RP1L1: variants seen among roughly 807,000 people sequenced by gnomAD.
RP1L1 encodes retinitis pigmentosa 1-like 1 protein.
Under a neutral mutation model 15.7 loss-of-function variants are expected in RP1L1, and 27 were observed. The ratio of observed to expected loss-of-function variants is 1.72; its 90% confidence interval spans 1.27 to 2.38. The LOEUF (loss-of-function observed/expected upper bound fraction) is 2.38, where lower values mean the gene tolerates loss of function less well. RP1L1 is among the 30% of genes most tolerant of loss of function. RP1L1 has a pLI of 0.00. For synonymous variants in RP1L1, 1,813 were observed against 1,276.7 expected (o/e 1.42, Z -8.96); for missense variants, 4,798 against 3,075.9 (o/e 1.56, Z -13.24).
At chr8:10,640,306 A>G (rs575479998) in intron 1 of RP1L1, among the ~76,000 whole-genome samples, 1 of 152,204 alleles carries the variant, frequency 6.6e-6, no homozygotes, top group Non-Finnish European at 1.5e-5. Flanking sequence ...AGGTAACAGA[A>G]TTTTTCAAAG....
At chr8:10,626,966 G>A (rs1185213110) in intron 1 of RP1L1, among the ~76,000 whole-genome samples, 1 of 152,158 alleles carries the variant, frequency 6.6e-6, no homozygotes, top group Non-Finnish European at 1.5e-5. Flanking sequence ...CACACCATTA[G>A]AACGGCTACT....
At chr8:10,624,313 A>T (rs1798122683) in intron 1 of RP1L1, among the ~76,000 whole-genome samples, 1 of 152,264 alleles carries the variant, frequency 6.6e-6, no homozygotes, top group African/African-American at 2.4e-5. Context: ...TCACATTCCA[A>T]TGTGACAAAC....
chr8:10,641,373 C>G (rs1453557305), intron 1 of RP1L1, among the ~76,000 whole-genome samples: 1 of 152,164 alleles, frequency 6.6e-6, no homozygotes, highest in African/African-American at 2.4e-5. Context: ...TGACAGTGAC[C>G]TTGTATCAAT....
chr8:10,632,130 C>T (rs11777734), intron 1 of RP1L1, among the ~76,000 whole-genome samples: 2,472 of 152,240 alleles, frequency 0.016, 33 homozygotes, highest in Non-Finnish European at 0.024. Flanking sequence ...GAAGAGGCTT[C>T]GGGTGAAGGC....
At chr8:10,618,518 GCAAA>G (rs953300007) in intron 2 of RP1L1, among the ~76,000 whole-genome samples, 3 of 151,774 alleles carry the variant, frequency 2.0e-5, no homozygotes, top group Non-Finnish European at 4.4e-5. Flanking sequence ...AAAACAAAGA[GCAAA>G]CAAACAAACA....
At position 10,609,797 on chromosome 8, in the gene RP1L1, C is replaced by A; in HGVS notation, c.4301G>T (p.Arg1434Ile). 6.2e-7 allele frequency: 1 copy of A among 1,614,054 alleles called. No individual in the cohort carries two copies. The highest frequency in any genetic ancestry group is 8.5e-7 in the Non-Finnish European group (1 of 1,180,030). ...GCACGGCTCTGCAGAGGCAGAGGCT[C>A]TTCCTGCTTCCTCCTCCTGGACTGG... Reference protein sequence around the residue: ...DDPVQEEEAGRASASAEPCPA... With the variant: ...DDPVQEEEAGIASASAEPCPA... Residue 1434 changes from arginine (R) to isoleucine (I), a missense_variant, in exon 4 of 4, where the codon AGA (arginine) becomes ATA (isoleucine). Physicochemically the swap from Arg to Ile is moderately conservative, Grantham distance 97 (BLOSUM62 -3). Coordinates refer to ENST00000382483, the MANE Select transcript of RP1L1 (RefSeq NM_178857.6).
At chr8:10,653,428 G>A (rs1232386715) in intron 1 of RP1L1, among the ~76,000 whole-genome samples, 2 of 151,314 alleles carry the variant, frequency 1.3e-5, no homozygotes, top group Non-Finnish European at 2.9e-5. Flanking sequence ...CAGGTCCAGG[G>A]ATCCCTCCAA....
rs1219283852 is a variant in RP1L1, at chr8:10,622,735, A to G, written c.467T>C (p.Leu156Pro). The G allele has an allele frequency of 6.2e-7, 1 of 1,614,000 alleles. No homozygotes were observed. The highest frequency in any genetic ancestry group is 1.3e-5 in the African/African-American group (1 of 74,894). ...GAGGCGAGGGTCCATGTTCTTAATC[A>G]GCAGTATCCTCCGGGGGGTTTTAAG... ...KSLKTPRRILLIKNMDPRLQQ... is the reference protein window; with the variant it reads ...KSLKTPRRILPIKNMDPRLQQ... The change falls in exon 2 of 4, where the codon CTG becomes CCG. Residue 156 changes from leucine (L) to proline (P), a missense_variant. Physicochemically the swap from Leu to Pro is moderately conservative, Grantham distance 98. Transcript: ENST00000382483.
At position 10,612,436 on chromosome 8, in the gene RP1L1, GC is replaced by G. The variant is rs760078889; in HGVS notation, c.1661del (p.Gly554AlafsTer26). ...TCTCGGCCCTTGCCTTGCCTGGACA[GC>G]CCTGGGGCCGCCCACCCCATTCGCT... ...GSSEWGGRPQGCPGKARAETS... is the reference protein window; with the variant it reads ...GSSEWGGRPQXCPGKARAETS... On this transcript the variant is annotated frameshift_variant, in exon 4 of 4. Coordinates refer to ENST00000382483, the MANE Select transcript of RP1L1 (RefSeq NM_178857.6). LOFTEE classifies it low-confidence loss of function (END_TRUNC). The G allele has an allele frequency of 6.2e-7, 1 of 1,612,648 alleles. No homozygotes were observed. The highest frequency in any genetic ancestry group is 8.5e-7 in the Non-Finnish European group (1 of 1,180,020).
At chr8:10,617,669 G>T (rs1056828667) in intron 2 of RP1L1, among the ~76,000 whole-genome samples, 2 of 143,308 alleles carry the variant, frequency 1.4e-5, no homozygotes, top group African/African-American at 5.1e-5. Context: ...CCATTCTCCT[G>T]CCTCAGCCTC....
chr8:10,649,562 G>C (rs1798528819), intron 1 of RP1L1, among the ~76,000 whole-genome samples: 1 of 152,140 alleles, frequency 6.6e-6, no homozygotes, highest in South Asian at 2.1e-4. Flanking sequence ...GTGTTCTCTT[G>C]GGAAGGCTCA....
In RP1L1 at chr8:10,612,746, T is replaced by C; in HGVS notation, c.1352A>G (p.Asp451Gly). Reference protein sequence around the residue: ...GTAGRERCSQDSASPASSTGL... With the variant: ...GTAGRERCSQGSASPASSTGL... ...GGTGCTGGAGGCTGGGCTGGCACTGTCCTGGCTGCATCTCTCCCTCCCGGC... is the reference window on the plus strand; with the variant it reads ...GGTGCTGGAGGCTGGGCTGGCACTGCCCTGGCTGCATCTCTCCCTCCCGGC... The change falls in exon 4 of 4, where the codon GAC becomes GGC. Residue 451 changes from aspartate to glycine, a missense_variant. By Grantham distance (94) the Asp-to-Gly change is moderately conservative. Transcript: ENST00000382483. 1 of 1,607,962 alleles carries C rather than the reference T, an allele frequency of 6.2e-7. No homozygotes were observed. Among genetic ancestry groups the C allele is most frequent in the East Asian group, 2.2e-5 (1 of 44,854 alleles).
rs974540081 is a variant in RP1L1 at position 10,606,824 on chromosome 8, C to T, written c.*71G>A. 2 of 1,606,326 alleles carry T rather than the reference C, an allele frequency of 1.2e-6. No homozygotes were observed. Among genetic ancestry groups the T allele is most frequent in the African/African-American group, 2.7e-5 (2 of 74,828 alleles). On this transcript the variant is annotated 3_prime_UTR_variant, in exon 4 of 4. Coordinates refer to ENST00000382483, the MANE Select transcript of RP1L1 (RefSeq NM_178857.6). ...CATCTCCAGTGGACTGAACGTTGCT[C>T]AGTTTTGTAGAAAAAATATGAATAA...
intron 1 of RP1L1, among the ~76,000 whole-genome samples, chr8:10,638,373 G>A (rs1798360617): frequency 6.6e-6 from 1 of 152,114 alleles, no homozygotes; most frequent in Non-Finnish European, 1.5e-5. Flanking sequence ...GACTCAAGGA[G>A]GAATTCGAGA....
At chr8:10,631,239 A>C (rs1397466322) in intron 1 of RP1L1, among the ~76,000 whole-genome samples, 1 of 151,770 alleles carries the variant, frequency 6.6e-6, no homozygotes, top group African/African-American at 2.4e-5. Flanking sequence ...ACACACGTAC[A>C]CACATGCACA....
intron 1 of RP1L1, among the ~76,000 whole-genome samples, chr8:10,646,290 A>G (rs1395185859): frequency 6.6e-6 from 1 of 152,190 alleles, no homozygotes; most frequent in Non-Finnish European, 1.5e-5. Flanking sequence ...TCAGAGGTTT[A>G]AACTACCTAG....
intron 1 of RP1L1, among the ~76,000 whole-genome samples, chr8:10,625,941 G>A (rs934076644): frequency 2.0e-5 from 3 of 151,910 alleles, no homozygotes; most frequent in African/African-American, 7.3e-5. Context: ...AAAGGAGGGG[G>A]CGGTGCCGGG....
intron 1 of RP1L1, among the ~76,000 whole-genome samples, chr8:10,631,362 A>C (rs13251363): frequency 5.6e-4 from 26 of 46,136 alleles, no homozygotes; most frequent in Admixed American, 1.1e-3. Context: ...CATGCACACA[A>C]ACACACATGC....
chr8:10,610,583 A>C lies in RP1L1; in HGVS notation c.3515T>G (p.Leu1172Arg), dbSNP rs1797827965. The C allele has an allele frequency of 2.5e-6, 4 of 1,613,628 alleles. No homozygotes were observed. In the East Asian group the frequency reaches 8.9e-5, roughly 36 times the overall value. ...AGCCTGGCTCCATGTGAGCTCCCAG[A>C]GGCCTGAGTCCAGCTGGTCTTCCCC... ...DVGEDQLDSG[L>R]WELTWSQALP... is the part of the protein sequence containing the mutation. The change falls in exon 4 of 4, where the codon CTC becomes CGC. Residue 1172 changes from leucine to arginine, a missense_variant. Coordinates refer to ENST00000382483, the MANE Select transcript of RP1L1 (RefSeq NM_178857.6).
Sources: allele counts gnomAD v4.1 joint callset (sites outside exome capture counted in the v4.1 genomes callset), GRCh38; gene constraint gnomAD v4.1.1; transcripts MANE v1.5; gene names NCBI Gene and HGNC (gene_info 2026-07-23, HGNC 2026-07-21).